CYP2C19: variants seen among roughly 807,000 people sequenced by gnomAD.
CYP2C19 encodes cytochrome P450 family 2 subfamily C member 19.
A neutral mutation model predicts 40.9 loss-of-function variants in CYP2C19; 59 were observed. The ratio of observed to expected loss-of-function variants is 1.44; its 90% CI spans 1.17 to 1.79. The LOEUF is 1.79. Among genes scored for constraint, CYP2C19 ranks in the 40% most tolerant of loss-of-function variants. CYP2C19 has a pLI of 0.00. For synonymous variants in CYP2C19, 253 were observed against 208.7 expected, an observed-to-expected ratio of 1.21 and a Z score of -1.83; for missense variants, 754 against 596.9, an observed-to-expected ratio of 1.26 and a Z score of -2.74.
intron 7 of CYP2C19, among the ~76,000 whole-genome samples, chr10:94,848,700 T>C (rs1849608419): frequency 6.6e-6 from 1 of 152,188 alleles, no homozygotes; most frequent in African/African-American, 2.4e-5. Context: ...TGATTCTTCC[T>C]ACCTATGAGC....
At chr10:94,828,546 C>T (rs1260951050) in intron 6 of CYP2C19, among the ~76,000 whole-genome samples, 1 of 148,602 alleles carries the variant, frequency 6.7e-6, no homozygotes, top group Non-Finnish European at 1.5e-5. Context: ...TTATTTTGAG[C>T]CTATGTGTGT....
Position 94,854,071 on chromosome 10 carries a change from T to G in CYP2C19, c.*1157T>G, listed in dbSNP as rs1048085949. 6.6e-6 allele frequency among the ~76,000 whole-genome samples: 1 copy of G among 151,130 alleles called. No individual in the cohort carries two copies. The highest frequency in any genetic ancestry group is 2.4e-5 in the African/African-American group (1 of 41,020). The stretch of plus-strand genomic sequence containing the variant: ...CCCACTTTTGTTCCCCAGGCTGGAG[T>G]GCAATGGTGCGATCTCGGCTCACTG... On this transcript the variant is annotated 3_prime_UTR_variant, in exon 9 of 9. Transcript: ENST00000371321.
rs1449965276 is a variant in CYP2C19 at position 94,792,219 on chromosome 10, A to G, written c.819+10222A>G. 2.0e-5 allele frequency among the ~76,000 whole-genome samples: 3 copies of G among 152,092 alleles called. No individual in the cohort carries two copies. In the South Asian group the frequency reaches 6.2e-4, roughly 32 times the overall value. ...TTTTTGCTTTCCATTTACTTGGTAGATCTTCCTCCATCCCTTTATTTTGAG... is the reference window on the plus strand; with the variant it reads ...TTTTTGCTTTCCATTTACTTGGTAGGTCTTCCTCCATCCCTTTATTTTGAG... On this transcript the variant is annotated intron_variant, in intron 5 of 8. Transcript: ENST00000371321.
At chr10:94,839,423 G>A (rs773421786) in intron 6 of CYP2C19, among the ~76,000 whole-genome samples, 2 of 151,844 alleles carry the variant, frequency 1.3e-5, no homozygotes, top group East Asian at 1.9e-4. Flanking sequence ...AAAGGGGTCC[G>A]GGCTGCTGGG....
chr10:94,795,519 A>C (rs1848671023), intron 5 of CYP2C19, among the ~76,000 whole-genome samples: 1 of 152,104 alleles, frequency 6.6e-6, no homozygotes, highest in Non-Finnish European at 1.5e-5. Flanking sequence ...GTATTTACCC[A>C]GTAATGGGAT....
At chr10:94,845,707 C>T (rs1399801807) in intron 7 of CYP2C19, among the ~76,000 whole-genome samples, 1 of 152,030 alleles carries the variant, frequency 6.6e-6, no homozygotes, top group East Asian at 1.9e-4. Flanking sequence ...ATTCAAGTAA[C>T]ATTTGTTGAA....
At chr10:94,786,945 G>A (rs1357204405) in intron 5 of CYP2C19, among the ~76,000 whole-genome samples, 3 of 151,692 alleles carry the variant, frequency 2.0e-5, no homozygotes, top group South Asian at 2.1e-4. Flanking sequence ...TGTGAATAGT[G>A]CAGAGATGGA....
At chr10:94,780,713 G>A (rs914248804) in intron 4 of CYP2C19, 54 bp downstream of exon 4, 22 of 1,595,836 alleles carry the variant, frequency 1.4e-5, no homozygotes, top group Admixed American at 1.7e-5. Flanking sequence ...TTTTTTCTGG[G>A]AAATCCAAAA....
intron 6 of CYP2C19, among the ~76,000 whole-genome samples, chr10:94,838,805 A>T (rs1423157799): frequency 6.6e-6 from 1 of 151,972 alleles, no homozygotes; most frequent in African/African-American, 2.4e-5. Flanking sequence ...ACTTCACTCC[A>T]TTTGCCTTTT....
chr10:94,775,281 C>A lies in CYP2C19; in HGVS notation c.331+61C>A. ...GGGGATGGGGAGGATGGAAAACAGA[C>A]TAGCAGAGCTTCTCGGGCAGAGCTT... On this transcript the variant is annotated intron_variant, in intron 2 of 8. Transcript: ENST00000371321. 2.5e-6 allele frequency: 4 copies of A among 1,613,020 alleles called. 1 individual carries two copies. Among genetic ancestry groups the A allele is most frequent in the Non-Finnish European group, 3.4e-6 (4 of 1,180,012 alleles).
intron 5 of CYP2C19, among the ~76,000 whole-genome samples, chr10:94,785,997 A>G (rs565697303): frequency 6.6e-5 from 10 of 151,916 alleles, no homozygotes; most frequent in Non-Finnish European, 1.2e-4. Context: ...TAAATCAGAC[A>G]CTGCCTTTTC....
chr10:94,840,366 G>A (rs146630622), intron 6 of CYP2C19, among the ~76,000 whole-genome samples: 7,258 of 150,500 alleles, frequency 0.048, 235 homozygotes, highest in South Asian at 0.12. Context: ...TGGGTCCCAC[G>A]TAACTGCCCA....
chr10:94,849,341 T>A (rs551630600), intron 7 of CYP2C19, among the ~76,000 whole-genome samples: 40 of 148,536 alleles, frequency 2.7e-4, no homozygotes, highest in Admixed American at 5.4e-4. Context: ...TTATTTATTT[T>A]TTTCATCAGC....
intron 3 of CYP2C19, among the ~76,000 whole-genome samples, chr10:94,778,535 T>A (rs1026626356): frequency 2.6e-5 from 4 of 152,146 alleles, no homozygotes; most frequent in Non-Finnish European, 4.4e-5. Context: ...TCACTGGTCA[T>A]TAGAGAATGC....
At chr10:94,820,034 T>C (rs1325813260) in intron 5 of CYP2C19, among the ~76,000 whole-genome samples, 1 of 148,942 alleles carries the variant, frequency 6.7e-6, no homozygotes, top group Non-Finnish European at 1.5e-5. Flanking sequence ...TCAAAAAGCT[T>C]ATCCACCATG....
intron 5 of CYP2C19, among the ~76,000 whole-genome samples, chr10:94,800,866 C>T (rs1848754257): frequency 6.6e-6 from 1 of 152,174 alleles, no homozygotes; most frequent in Non-Finnish European, 1.5e-5. Context: ...GTTGCTAAGA[C>T]CATGGGAAAA....
chr10:94,787,444 TTGTC>T (rs960761304), intron 5 of CYP2C19, among the ~76,000 whole-genome samples: 60 of 152,216 alleles, frequency 3.9e-4, no homozygotes, highest in African/African-American at 1.4e-3. Flanking sequence ...ATTCTGTAGG[TTGTC>T]TGTTTATTGT....
At chr10:94,817,686 T>G (rs1178886350) in intron 5 of CYP2C19, among the ~76,000 whole-genome samples, 1 of 151,348 alleles carries the variant, frequency 6.6e-6, no homozygotes, top group Non-Finnish European at 1.5e-5. Context: ...ATGCCTAGGT[T>G]TTCTTCTAGG....
At position 94,781,829 on chromosome 10, in the gene CYP2C19, T is replaced by C; in HGVS notation, c.651T>C (p.Asn217=). The change falls in exon 5 of 9, where the codon AAT becomes AAC. Residue 217 remains asparagine, a synonymous_variant. Coordinates refer to ENST00000371321, the MANE Select transcript of CYP2C19 (RefSeq NM_000769.4). Reference sequence around the variant, plus strand: ...TTATTGTTTTCTCTTAGATATGCAATAATTTTCCCACTATCATTGATTATT... The same window carrying C: ...TTATTGTTTTCTCTTAGATATGCAACAATTTTCCCACTATCATTGATTATT... The part of the protein sequence containing the change: ...IVSTPWIQIC[N]NFPTIIDYFP... 6.9e-7 allele frequency: 1 copy of C among 1,441,540 alleles called. No homozygotes were observed. Among genetic ancestry groups the C allele is most frequent in the Non-Finnish European group, 9.1e-7 (1 of 1,094,916 alleles). The allele number at this position is 1,441,540 out of a possible 1,614,324, so 89.3% of individuals were successfully genotyped here. A position where few individuals can be genotyped will look rare whatever the true frequency, so the allele number is the denominator to read the frequency against.
Sources: gnomAD v4.1 joint callset for allele counts (sites outside exome capture counted in the v4.1 genomes callset) on GRCh38, gnomAD v4.1.1 for gene constraint, MANE v1.5 for transcripts, NCBI Gene and HGNC (gene_info 2026-07-23, HGNC 2026-07-21) for gene names.